The following PARP15 variants were observed in gnomAD, a reference collection of about 807,000 sequenced individuals.
PARP15 encodes the protein protein mono-ADP-ribosyltransferase PARP15.
PARP15 carries 50 observed loss-of-function variants against 62.1 expected under a neutral mutation model. That is an observed-to-expected ratio of 0.81 (90% CI 0.64 to 1.02). The LOEUF (loss-of-function observed/expected upper bound fraction) is 1.02. Ranked by LOEUF, PARP15 falls within the 50% of genes least tolerant of loss-of-function variation. The pLI is 0.00. For missense variants in PARP15, 820 were observed against 826.5 expected, an observed-to-expected ratio of 0.99 and a Z score of 0.10; for synonymous variants, 309 against 293.1, an observed-to-expected ratio of 1.05 and a Z score of -0.55.
chr3:122,630,449 C>T (rs145052167), intron 9 of PARP15, among the ~76,000 whole-genome samples: 1 of 152,130 alleles, frequency 6.6e-6, no homozygotes, highest in Non-Finnish European at 1.5e-5. Flanking sequence ...CTTCAGAAGG[C>T]CAAGGCAGGA....
chr3:122,636,035 A>G lies in PARP15; in HGVS notation c.1972A>G (p.Lys658Glu), dbSNP rs141282952. ...DSVTNNTRSPKLFVVFFDNQA... is the reference protein window; with the variant it reads ...DSVTNNTRSPELFVVFFDNQA... ...AGTGACAAACAATACACGATCTCCA[A>G]AGCTATTTGTGGTATTCTTTGATAA... is the stretch of plus-strand genomic sequence containing the variant. Residue 658 changes from lysine (K) to glutamate (E), a missense_variant, in exon 12 of 12, where the codon AAG (lysine) becomes GAG (glutamate). Lys to Glu is a moderately conservative substitution (Grantham distance 56, BLOSUM62 1). Transcript: ENST00000464300. 1.2e-6 allele frequency: 2 copies of G among 1,613,956 alleles called. No individual in the cohort carries two copies. Among genetic ancestry groups the G allele is most frequent in the African/African-American group, 2.7e-5 (2 of 74,914 alleles).
intron 8 of PARP15, among the ~76,000 whole-genome samples, chr3:122,624,348 AC>A (rs1359958391): frequency 1.3e-5 from 2 of 152,198 alleles, no homozygotes; most frequent in East Asian, 3.9e-4. Flanking sequence ...CCTCACAGTA[AC>A]CTTATATAGG....
rs200127337 is a variant in PARP15 at position 122,635,084 on chromosome 3, T to C, written c.1637T>C (p.Ile546Thr). 1,581 of 1,614,040 alleles carry C rather than the reference T, an allele frequency of 9.8e-4. 10 individuals carry two copies. The highest frequency in any genetic ancestry group is 5.8e-4 in the Non-Finnish European group (685 of 1,179,972). ...CAGGTAAAGAAAAGGCAAATGGATA[T>C]CAAGAATGACCATAAGAATAATGAG... ...SYQVKKRQMD[I>T]KNDHKNNERL... Residue 546 changes from isoleucine (I) to threonine (T), a missense_variant, in exon 11 of 12, where the codon ATC becomes ACC. This residue lies in a region of PARP15 where 731 missense variants were observed against 727.7 expected (regional missense o/e 1.00). Coordinates refer to ENST00000464300, the MANE Select transcript of PARP15 (RefSeq NM_001113523.3).
At chr3:122,602,164 A>G (rs1427832974) in intron 1 of PARP15, among the ~76,000 whole-genome samples, 1 of 152,168 alleles carries the variant, frequency 6.6e-6, no homozygotes, top group African/African-American at 2.4e-5. Flanking sequence ...AGGTGCATTC[A>G]TAAGCCAACT....
intron 8 of PARP15, among the ~76,000 whole-genome samples, chr3:122,624,514 A>T (rs9837753): frequency 0.39 from 59,701 of 152,052 alleles, 12,037 homozygotes; most frequent in Non-Finnish European, 0.42. Context: ...TATTGTGAAG[A>T]TAATGAAGCT....
chr3:122,606,120 T>G, intron 2 of PARP15, 65 bp downstream of exon 2: 1 of 1,468,302 alleles, frequency 6.8e-7, no homozygotes, highest in East Asian at 2.5e-5. Flanking sequence ...GTTCTGTGAG[T>G]TGTTCCATGA....
At chr3:122,610,451 T>C in intron 2 of PARP15, 43 bp from the exon 3 acceptor site, 2 of 1,457,168 alleles carry the variant, frequency 1.4e-6, no homozygotes, top group Non-Finnish European at 1.9e-6. Flanking sequence ...TCCATCATTA[T>C]GTATTATTGA....
intron 9 of PARP15, among the ~76,000 whole-genome samples, chr3:122,629,584 G>T (rs1236435517): frequency 6.6e-6 from 1 of 152,086 alleles, no homozygotes; most frequent in African/African-American, 2.4e-5. Flanking sequence ...CCACGGACTG[G>T]GTTATGAAGG....
At position 122,638,147 on chromosome 3, in the gene PARP15, G is replaced by A. The variant is rs1189245412; in HGVS notation, c.*2047G>A. ...CATGAACTCATCATTTTTTATGGCTGCATAGTATTCCATGGTGTATATGTG... is the reference window on the plus strand; with the variant it reads ...CATGAACTCATCATTTTTTATGGCTACATAGTATTCCATGGTGTATATGTG... On this transcript the variant is annotated 3_prime_UTR_variant, in exon 12 of 12. Transcript: ENST00000464300. 1.3e-5 allele frequency: 2 copies of A among 152,056 alleles called. No individual in the cohort carries two copies. Among genetic ancestry groups the A allele is most frequent in the Non-Finnish European group, 2.9e-5 (2 of 68,016 alleles). 9.4% of individuals were successfully genotyped at this position (152,056 alleles called of 1,614,324 possible).
At position 122,591,243 on chromosome 3, in the gene PARP15, C is replaced by A. The variant is rs140635947; in HGVS notation, c.186+13390C>A. On this transcript the variant is annotated intron_variant, in intron 1 of 11. Transcript: ENST00000464300. ...GGAACATTCAGGCACAAAAGTAATA[C>A]TTTCCAGAAGAGTGGATAAAATGGA... Among the ~76,000 whole-genome samples the A allele has an allele frequency of 2.4e-4, 36 of 152,300 alleles. No homozygotes were observed. The East Asian group carries it at 6.9e-3, about 29-fold the overall frequency.
chr3:122,578,621 GTA>G (rs2080734735), intron 1 of PARP15, among the ~76,000 whole-genome samples: 1 of 151,906 alleles, frequency 6.6e-6, no homozygotes, highest in Non-Finnish European at 1.5e-5. Context: ...AGGCTTTGCT[GTA>G]TGTTTTAATG....
intron 1 of PARP15, among the ~76,000 whole-genome samples, chr3:122,594,178 A>G (rs532461344): frequency 6.6e-6 from 1 of 152,280 alleles, no homozygotes; most frequent in East Asian, 1.9e-4. Context: ...AGTGAGTTTT[A>G]ATAGTGAAGC....
chr3:122,605,154 T>A (rs1346689250), intron 1 of PARP15, among the ~76,000 whole-genome samples: 1 of 152,150 alleles, frequency 6.6e-6, no homozygotes, highest in African/African-American at 2.4e-5. Flanking sequence ...GGAGGCAAGG[T>A]TGCTGCTGTA....
At chr3:122,622,225 A>G (rs1936398008) in intron 8 of PARP15, among the ~76,000 whole-genome samples, 1 of 152,142 alleles carries the variant, frequency 6.6e-6, no homozygotes, top group Non-Finnish European at 1.5e-5. Flanking sequence ...ACATTTCTGC[A>G]TTGACTCCCA....
At chr3:122,589,013 T>C (rs912893560) in intron 1 of PARP15, among the ~76,000 whole-genome samples, 6 of 152,224 alleles carry the variant, frequency 3.9e-5, no homozygotes, top group Non-Finnish European at 8.8e-5. Context: ...TTTTTGATGA[T>C]TGTGAATAAT....
intron 7 of PARP15, among the ~76,000 whole-genome samples, 178 bp downstream of exon 7, chr3:122,620,021 T>C (rs564553860): frequency 6.6e-6 from 1 of 152,154 alleles, no homozygotes; most frequent in African/African-American, 2.4e-5. Flanking sequence ...GGGGAGAGGT[T>C]CTTCATCCCA....
chr3:122,610,564 T>C lies in PARP15; in HGVS notation c.377T>C (p.Leu126Ser). ...GGAGGACCACTATCTCGGGCATTTT[T>C]GCAGAAAGCTGGTCCCATGCTCCAG... is the stretch of plus-strand genomic sequence containing the variant. Reference protein sequence around the residue: ...LGGGPLSRAFLQKAGPMLQKE... With the variant: ...LGGGPLSRAFSQKAGPMLQKE... Residue 126 changes from leucine to serine, a missense_variant, in exon 3 of 12, where the codon TTG becomes TCG. Transcript: ENST00000464300. The C allele has an allele frequency of 6.4e-7, 1 of 1,551,758 alleles. No individual in the cohort carries two copies. The highest frequency in any genetic ancestry group is 8.7e-7 in the Non-Finnish European group (1 of 1,147,018).
At chr3:122,621,896 T>A (rs774530138) in intron 8 of PARP15, among the ~76,000 whole-genome samples, 10 of 152,178 alleles carry the variant, frequency 6.6e-5, no homozygotes, top group Non-Finnish European at 1.2e-4. Flanking sequence ...CCTCCCAGGC[T>A]CACGCAATCC....
In PARP15 at chr3:122,635,896, G is replaced by A. The variant is rs1464003368; in HGVS notation, c.1833G>A (p.Gly611=). 1 of 1,614,072 alleles carries A rather than the reference G, an allele frequency of 6.2e-7. No individual in the cohort carries two copies. Among genetic ancestry groups the A allele is most frequent in the Admixed American group, 1.7e-5 (1 of 60,006 alleles). Residue 611 remains glycine (G), a synonymous_variant, in exon 12 of 12, where the codon GGG becomes GGA. Transcript: ENST00000464300. The part of the protein sequence containing the change: ...KDTYSKPDSN[G]RKHMYVVRVL... Reference sequence around the variant, plus strand: ...CCTACTCCAAGCCAGACAGCAATGGGAGAAAGCACATGTACGTTGTGCGAG... The same window carrying A: ...CCTACTCCAAGCCAGACAGCAATGGAAGAAAGCACATGTACGTTGTGCGAG...
Sources: allele counts gnomAD v4.1 joint callset (sites outside exome capture counted in the v4.1 genomes callset), GRCh38; gene constraint gnomAD v4.1.1; regional missense constraint gnomAD v4.1.1; transcripts MANE v1.5; gene names NCBI Gene and HGNC (gene_info 2026-07-23, HGNC 2026-07-21).